The following CFAP69 variants were observed in gnomAD, a reference collection of about 807,000 sequenced individuals.
The protein encoded by CFAP69 is cilia- and flagella-associated protein 69.
Under a neutral mutation model 123.0 loss-of-function variants are expected in CFAP69, and 92 were observed. That is an observed-to-expected ratio of 0.75 (90% CI 0.63 to 0.89). The LOEUF is 0.89. Ranked by LOEUF, CFAP69 falls within the 40% of genes least tolerant of loss-of-function variation. CFAP69 has a pLI of 0.00. For missense variants in CFAP69, 1,067 were observed against 1,096.9 expected, an observed-to-expected ratio of 0.97 and a Z score of 0.39; for synonymous variants, 380 against 364.3, an observed-to-expected ratio of 1.04 and a Z score of -0.49.
At chr7:90,285,924 T>G (rs952411289) in intron 13 of CFAP69, among the ~76,000 whole-genome samples, 2 of 152,320 alleles carry the variant, frequency 1.3e-5, no homozygotes, top group Non-Finnish European at 2.9e-5. Context: ...GGCTACTGAT[T>G]GTATTGAAAG....
intron 19 of CFAP69, among the ~76,000 whole-genome samples, chr7:90,305,080 C>T (rs1261636675): frequency 6.6e-6 from 1 of 152,134 alleles, no homozygotes; most frequent in African/African-American, 2.4e-5. Flanking sequence ...CGGTGGCTCA[C>T]GCCTGTAATC....
At chr7:90,302,496 G>A (rs1017842646) in intron 17 of CFAP69, 3 of 152,158 alleles carry the variant, frequency 2.0e-5, no homozygotes, top group Non-Finnish European at 4.4e-5. Flanking sequence ...GTTGATTTTT[G>A]TATATGGTAT....
intron 19 of CFAP69, 65 bp from the exon 20 acceptor site, chr7:90,306,836 T>C: frequency 1.0e-6 from 1 of 969,962 alleles, no homozygotes; most frequent in Non-Finnish European, 1.6e-6. Flanking sequence ...TAAAAAATTG[T>C]ATAATTGTAC....
At chr7:90,257,644 A>G (rs1055328954) in intron 2 of CFAP69, among the ~76,000 whole-genome samples, 3 of 152,188 alleles carry the variant, frequency 2.0e-5, no homozygotes, top group Admixed American at 1.3e-4. Flanking sequence ...CTTTCTAAAC[A>G]TGGCTTATTT....
chr7:90,258,480 C>A (rs1197453330), intron 3 of CFAP69, among the ~76,000 whole-genome samples: 1 of 152,146 alleles, frequency 6.6e-6, no homozygotes, highest in South Asian at 2.1e-4. Context: ...GCATCACTCT[C>A]ACCTCTGCTG....
chr7:90,283,845 TG>T (rs2117094542), intron 13 of CFAP69, among the ~76,000 whole-genome samples: 2 of 152,218 alleles, frequency 1.3e-5, no homozygotes, highest in East Asian at 3.9e-4. Context: ...TAAATTAAGG[TG>T]GTTACTCTTC....
intron 17 of CFAP69, chr7:90,303,757 T>C: frequency 8.8e-7 from 1 of 1,131,154 alleles, no homozygotes; most frequent in Non-Finnish European, 1.1e-6. Flanking sequence ...ACATAAACAA[T>C]AAAAATGAAG....
Position 90,306,918 on chromosome 7 carries a change from T to A in CFAP69, c.2283T>A (p.Asn761Lys). ...YLDFKIGEIW[N>K]EIYEEIKLEK... is the part of the protein sequence containing the mutation. ...TATAACAGATTGGAGAAATATGGAA[T>A]GAAATATATGAAGAAATAAAATTAG... Residue 761 changes from asparagine to lysine, a missense_variant, in exon 20 of 23, where the codon AAT (asparagine) becomes AAA (lysine). By Grantham distance (94) the Asn-to-Lys change is moderately conservative (BLOSUM62 0). Coordinates refer to ENST00000389297, the MANE Select transcript of CFAP69 (RefSeq NM_001039706.3). 2 of 1,523,094 alleles carry A rather than the reference T, an allele frequency of 1.3e-6. No individual in the cohort carries two copies. Among genetic ancestry groups the A allele is most frequent in the Non-Finnish European group, 1.8e-6 (2 of 1,109,626 alleles). 94.3% of individuals were successfully genotyped at this position (1,523,094 alleles called of 1,614,324 possible).
At position 90,279,659 on chromosome 7, in the gene CFAP69, C is replaced by T. The variant is rs922729858; in HGVS notation, c.1156-18C>T. Reference sequence around the variant, plus strand: ...TTGGCTATGTTTCTAACAAAGTATCCTTTGTTCTTTCTCACAGCTATTAAT... The same window carrying T: ...TTGGCTATGTTTCTAACAAAGTATCTTTTGTTCTTTCTCACAGCTATTAAT... On this transcript the variant is annotated intron_variant, in intron 11 of 22. Transcript: ENST00000389297. The T allele has an allele frequency of 3.9e-6, 6 of 1,522,900 alleles. No individual in the cohort carries two copies. The highest frequency in any genetic ancestry group is 5.3e-6 in the Non-Finnish European group (6 of 1,123,510). The allele number at this position is 1,522,900 out of a possible 1,614,324, so 94.3% of individuals were successfully genotyped here. A position where few individuals can be genotyped will look rare whatever the true frequency, so the allele number is the denominator to read the frequency against.
intron 1 of CFAP69, among the ~76,000 whole-genome samples, chr7:90,248,232 A>G (rs778899509): frequency 2.4e-4 from 37 of 152,222 alleles, no homozygotes; most frequent in Non-Finnish European, 5.1e-4. Context: ...GCTGTTTTAT[A>G]TCATTTTCTT....
At chr7:90,293,514 G>A (rs546071547) in intron 15 of CFAP69, among the ~76,000 whole-genome samples, 1 of 151,928 alleles carries the variant, frequency 6.6e-6, no homozygotes, top group African/African-American at 2.4e-5. Flanking sequence ...TCACAAATCT[G>A]CCCCAACTTG....
downstream of CFAP69, among the ~76,000 whole-genome samples, chr7:90,315,287 G>C (rs117359190): frequency 6.6e-6 from 1 of 151,862 alleles, no homozygotes; most frequent in African/African-American, 2.4e-5. Flanking sequence ...TCATTCTACC[G>C]TAAAGACACA....
chr7:90,309,428 C>T, intron 22 of CFAP69, 61 bp downstream of exon 22: 1 of 937,716 alleles, frequency 1.1e-6, no homozygotes, highest in Middle Eastern at 2.4e-4. Flanking sequence ...GTTTGAACAA[C>T]TGTGCAAATA....
At chr7:90,281,360 AG>A (rs1479022448) in intron 12 of CFAP69, among the ~76,000 whole-genome samples, 1 of 152,154 alleles carries the variant, frequency 6.6e-6, no homozygotes, top group Non-Finnish European at 1.5e-5. Flanking sequence ...TTTTAAAGAA[AG>A]CATAGCATAA....
rs1316079979 is a variant in CFAP69, at chr7:90,286,405, T to C, written c.1656+6T>C. The C allele has an allele frequency of 6.2e-7, 1 of 1,609,768 alleles. No homozygotes were observed. Among genetic ancestry groups the C allele is most frequent in the Non-Finnish European group, 8.5e-7 (1 of 1,178,636 alleles). ...AGAATCACATTCAAAGGAAGGTATG[T>C]ATGCCTGTGAAAGTTTTGTTCAGGT... On this transcript the variant is annotated splice_donor_region_variant and intron_variant, in intron 14 of 22. Transcript: ENST00000389297.
At chr7:90,258,266 T>A in intron 3 of CFAP69, 103 bp downstream of exon 3, 1 of 839,706 alleles carries the variant, frequency 1.2e-6, no homozygotes, top group Non-Finnish European at 1.8e-6. Flanking sequence ...CAAATTACCA[T>A]AAATTTGATG....
downstream of CFAP69, among the ~76,000 whole-genome samples, chr7:90,311,983 A>T (rs1269722684): frequency 6.6e-6 from 1 of 152,214 alleles, no homozygotes. Context: ...TACCAGATAC[A>T]TCTTAGGTAC....
At chr7:90,290,820 C>G (rs1584487206) in intron 15 of CFAP69, among the ~76,000 whole-genome samples, 1 of 99,190 alleles carries the variant, frequency 1.0e-5, no homozygotes. Context: ...CTTTTCTTTT[C>G]TTTTTTAAGG....
At chr7:90,256,691 T>C (rs916715732) in intron 2 of CFAP69, among the ~76,000 whole-genome samples, 2 of 152,218 alleles carry the variant, frequency 1.3e-5, no homozygotes, top group African/African-American at 4.8e-5. Context: ...TGGAATAATT[T>C]ATCTTTTTCT....
Sources: allele counts gnomAD v4.1 joint callset (sites outside exome capture counted in the v4.1 genomes callset), GRCh38; gene constraint gnomAD v4.1.1; transcripts MANE v1.5; gene names NCBI Gene and HGNC (gene_info 2026-07-23, HGNC 2026-07-21).